Variants in NEDD9 observed in about 807,000 individuals in gnomAD.
NEDD9 encodes enhancer of filamentation 1.
Under a neutral mutation model 76.6 loss-of-function variants are expected in NEDD9, and 26 were observed. That is an observed-to-expected ratio of 0.34 (90% CI 0.25 to 0.47). NEDD9 has a LOEUF of 0.47. Among genes scored for constraint, NEDD9 ranks in the 20% least tolerant of loss-of-function variants. NEDD9 has a pLI of 1.00. For missense variants in NEDD9, 937 were observed against 1,058.5 expected (o/e 0.89, Z 1.59); for synonymous variants, 392 against 414.2 (o/e 0.95, Z 0.65).
At chr6:11,379,664 A>AT (rs1037359436) in intron 1 of NEDD9, among the ~76,000 whole-genome samples, 1 of 151,856 alleles carries the variant, frequency 6.6e-6, no homozygotes, top group Non-Finnish European at 1.5e-5. Flanking sequence ...ATTCCTACAA[A>AT]TTAAAAAAAA....
At chr6:11,353,462 G>A (rs555603898) in intron 1 of NEDD9, among the ~76,000 whole-genome samples, 137 of 152,290 alleles carry the variant, frequency 9.0e-4, no homozygotes, top group African/African-American at 3.2e-3. Flanking sequence ...AGGAATGCCC[G>A]GGGCTGCTGG....
At chr6:11,318,165 CCAT>C (rs140250706) in intron 2 of NEDD9, among the ~76,000 whole-genome samples, 176 of 152,316 alleles carry the variant, frequency 1.2e-3, no homozygotes, top group Middle Eastern at 6.8e-3. Context: ...AGGAACCACA[CCAT>C]CAGCTCTCTT....
chr6:11,333,336 C>T (rs1183220992), intron 2 of NEDD9, among the ~76,000 whole-genome samples: 1 of 152,182 alleles, frequency 6.6e-6, no homozygotes, highest in Non-Finnish European at 1.5e-5. Context: ...GCAATGGAAA[C>T]CAAACTGAGC....
At chr6:11,283,603 A>T (rs1207673200) in intron 3 of NEDD9, among the ~76,000 whole-genome samples, 1 of 152,196 alleles carries the variant, frequency 6.6e-6, no homozygotes, top group African/African-American at 2.4e-5. Flanking sequence ...TTTAATGACC[A>T]TGGCAAACTC....
chr6:11,251,439 A>C (rs577922830), intron 3 of NEDD9: 1 of 152,384 alleles, frequency 6.6e-6, no homozygotes, highest in South Asian at 2.1e-4. Context: ...TCCCCTGTGC[A>C]GAAGTTATGT....
chr6:11,319,843 C>G (rs929422657), intron 2 of NEDD9, among the ~76,000 whole-genome samples: 2 of 151,434 alleles, frequency 1.3e-5, no homozygotes, highest in Non-Finnish European at 2.9e-5. Context: ...CACTCACGCA[C>G]TCATGCACAC....
In NEDD9 at chr6:11,191,184, C is replaced by A; in HGVS notation, c.685G>T (p.Ala229Ser). Residue 229 changes from alanine to serine, a missense_variant, in exon 5 of 7, where the codon GCT becomes TCT. Physicochemically the swap from Ala to Ser is moderately conservative, Grantham distance 99. Coordinates refer to ENST00000379446, the MANE Select transcript of NEDD9 (RefSeq NM_006403.4). Reference protein sequence around the residue: ...TKGVYAIPPSACRDEAGLREK... With the variant: ...TKGVYAIPPSSCRDEAGLREK... ...CTAAGCCCTGCTTCATCCCGGCAAG[C>A]AGAGGGCGGAATGGCATATACCTGC... 1 of 1,607,012 alleles carries A rather than the reference C, an allele frequency of 6.2e-7. No individual in the cohort carries two copies.
rs981643023 is a variant in NEDD9 at position 11,299,216 on chromosome 6, C to T, written c.12+6776G>A. ...TGTGCCGGCTCAGTGGGTCCCACGCCCACAGAGCCTTGCTCACTGCTAGCG... is the reference window on the plus strand; with the variant it reads ...TGTGCCGGCTCAGTGGGTCCCACGCTCACAGAGCCTTGCTCACTGCTAGCG... On this transcript the variant is annotated intron_variant, in intron 3 of 3. Coordinates refer to the NEDD9 transcript ENST00000397378. Among the ~76,000 whole-genome samples the T allele has an allele frequency of 3.3e-5, 5 of 152,220 alleles. No individual in the cohort carries two copies. In the East Asian group the frequency reaches 9.6e-4, roughly 29 times the overall value.
At chr6:11,256,950 AAGCCTCTCTTAG>A (rs1300461871) in intron 3 of NEDD9, among the ~76,000 whole-genome samples, 1 of 152,212 alleles carries the variant, frequency 6.6e-6, no homozygotes, top group Non-Finnish European at 1.5e-5. Flanking sequence ...ACTGCAGGCC[AAGCCTCTCTTAG>A]AGAATCATTT....
chr6:11,256,537 C>G (rs752743229), intron 3 of NEDD9, among the ~76,000 whole-genome samples: 1 of 152,176 alleles, frequency 6.6e-6, no homozygotes, highest in Non-Finnish European at 1.5e-5. Context: ...GTCACCCAGG[C>G]TAGAGTGTGG....
intron 3 of NEDD9, among the ~76,000 whole-genome samples, chr6:11,279,298 G>GAAATC (rs1760481259): frequency 6.6e-6 from 1 of 152,252 alleles, no homozygotes; most frequent in Non-Finnish European, 1.5e-5. Context: ...TTCAGCAGAT[G>GAAATC]AGAAGTTCAC....
At chr6:11,381,839 C>T (rs879470841) in intron 1 of NEDD9, among the ~76,000 whole-genome samples, 9 of 152,140 alleles carry the variant, frequency 5.9e-5, no homozygotes, top group African/African-American at 1.2e-4. Flanking sequence ...AGCTCTCTGA[C>T]GACAGTAGGA....
rs1051181622 is a variant in NEDD9 at position 11,189,957 on chromosome 6, G to A, written c.1905+7C>T. The A allele has an allele frequency of 1.3e-6, 2 of 1,513,684 alleles. No homozygotes were observed. Among genetic ancestry groups the A allele is most frequent in the Non-Finnish European group, 1.8e-6 (2 of 1,132,396 alleles). The allele number at this position is 1,513,684 out of a possible 1,614,324, so 93.8% of individuals were successfully genotyped here. A position where few individuals can be genotyped will look rare whatever the true frequency, so the allele number is the denominator to read the frequency against. ...GTGTAGGTGTTTTATGAGTTCCGCT[G>A]TTTTACCTGTAGGTGGACGTAATCG... On this transcript the variant is annotated splice_region_variant and intron_variant, in intron 5 of 6. Coordinates refer to ENST00000379446, the MANE Select transcript of NEDD9 (RefSeq NM_006403.4).
intron 2 of NEDD9, among the ~76,000 whole-genome samples, chr6:11,210,215 A>G (rs1451194011): frequency 6.6e-6 from 1 of 152,124 alleles, no homozygotes; most frequent in Non-Finnish European, 1.5e-5. Context: ...TGGGCCCCCA[A>G]CCAGACCTAC....
At position 11,319,526 on chromosome 6, in the gene NEDD9, T is replaced by TCA. The variant is rs572569425; in HGVS notation, c.-152-13373_-152-13372dup. 3.0e-3 allele frequency among the ~76,000 whole-genome samples: 359 copies of TCA among 118,898 alleles called. 1 individual carries two copies. Among genetic ancestry groups the TCA allele is most frequent in the South Asian group, 9.4e-3 (38 of 4,048 alleles). 78.0% of individuals were successfully genotyped at this position (118,898 alleles called of 152,430 possible). On this transcript the variant is annotated intron_variant, in intron 2 of 3. Coordinates refer to the NEDD9 transcript ENST00000397378. The stretch of plus-strand genomic sequence containing the variant: ...TGCACACACACACTAACATGCACAC[T>TCA]CACACTAACATGCGGACACACACTA...
chr6:11,316,260 A>G (rs146049938), intron 2 of NEDD9, among the ~76,000 whole-genome samples: 25 of 152,314 alleles, frequency 1.6e-4, no homozygotes, highest in Admixed American at 5.9e-4. Flanking sequence ...TGCCCCACCC[A>G]AGTAAGTTCA....
Position 11,232,500 on chromosome 6 carries a change from T to C in NEDD9, c.12+4A>G. 1.9e-6 allele frequency: 3 copies of C among 1,614,222 alleles called. No homozygotes were observed. Among genetic ancestry groups the C allele is most frequent in the Non-Finnish European group, 2.5e-6 (3 of 1,180,040 alleles). The stretch of plus-strand genomic sequence containing the variant: ...AAGGTAACCTGTAAAAGGCACTCTC[T>C]TACCTTATACTTCATTTCGGCAGCG... On this transcript the variant is annotated splice_donor_region_variant and intron_variant, in intron 1 of 6. Transcript: ENST00000379446.
chr6:11,213,198 A>G lies in NEDD9; in HGVS notation c.459+83T>C. 4 of 1,285,054 alleles carry G rather than the reference A, an allele frequency of 3.1e-6. No individual in the cohort carries two copies. The highest frequency in any genetic ancestry group is 4.3e-6 in the Non-Finnish European group (4 of 934,108). 79.6% of individuals were successfully genotyped at this position (1,285,054 alleles called of 1,614,324 possible). ...ACTTCTTGGCAGCTTCAAGTTATTA[A>G]TTTGGGAACATTTCCAAATGCTCCA... On this transcript the variant is annotated intron_variant, in intron 2 of 6. Coordinates refer to ENST00000379446, the MANE Select transcript of NEDD9 (RefSeq NM_006403.4). The surrounding 1 kb of genome is among the most constrained non-coding windows in gnomAD (Gnocchi z 5.4).
chr6:11,237,617 G>A (rs749382989), upstream of NEDD9, among the ~76,000 whole-genome samples: 25 of 152,166 alleles, frequency 1.6e-4, no homozygotes, highest in Admixed American at 1.0e-3. This position sits in a 1 kb window ranked among gnomAD's most constrained non-coding sequence, Gnocchi z 4.9. Flanking sequence ...TTCAAATTTC[G>A]ATGTCTATAA....
Sources: allele counts gnomAD v4.1 joint callset (sites outside exome capture counted in the v4.1 genomes callset), GRCh38; gene constraint gnomAD v4.1.1; non-coding constraint Gnocchi (gnomAD v3.1); transcripts MANE v1.5; gene names NCBI Gene and HGNC (gene_info 2026-07-23, HGNC 2026-07-21).